COL6A5: variants seen among roughly 807,000 people sequenced by gnomAD.
The protein encoded by COL6A5 is collagen alpha-5(VI) chain.
A neutral mutation model predicts 65.6 loss-of-function variants in COL6A5; 48 were observed. The observed-to-expected ratio is 0.73, with a 90% CI of 0.58 to 0.93. The LOEUF is 0.93. COL6A5 is among the 40% of genes least tolerant of loss of function. The pLI, the probability that COL6A5 is intolerant of heterozygous loss-of-function variation, is 0.00. For synonymous variants in COL6A5, 291 were observed against 322.8 expected, an observed-to-expected ratio of 0.90 and a Z score of 1.05; for missense variants, 914 against 928.3, an observed-to-expected ratio of 0.98 and a Z score of 0.20.
chr3:130,460,973 A>T (rs1191482207), intron 5 of COL6A5, among the ~76,000 whole-genome samples: 1 of 151,854 alleles, frequency 6.6e-6, no homozygotes, highest in Non-Finnish European at 1.5e-5. Flanking sequence ...AGTTGGTTGG[A>T]TGATGGCAGC....
intron 10 of COL6A5, among the ~76,000 whole-genome samples, chr3:130,398,745 G>C (rs1936704767): frequency 6.6e-6 from 1 of 152,176 alleles, no homozygotes; most frequent in African/African-American, 2.4e-5. Context: ...ATGATATAGG[G>C]ATACAAAAGC....
chr3:130,445,949 T>G (rs1709293986), intron 4 of COL6A5, among the ~76,000 whole-genome samples: 1 of 152,124 alleles, frequency 6.6e-6, no homozygotes, highest in Non-Finnish European at 1.5e-5. Context: ...TTTTAGGGCA[T>G]GGTTTTCCTG....
intron 1 of COL6A5, among the ~76,000 whole-genome samples, chr3:130,439,073 G>A (rs887043446): frequency 3.3e-5 from 5 of 152,226 alleles, no homozygotes; most frequent in South Asian, 2.1e-4. Flanking sequence ...CACTACCCAC[G>A]GAGGCCAAAG....
At chr3:130,427,482 C>T (rs141524435), upstream of COL6A5, among the ~76,000 whole-genome samples, 1 of 152,056 alleles carries the variant, frequency 6.6e-6, no homozygotes, top group African/African-American at 2.4e-5. Flanking sequence ...CTGAGTGTCA[C>T]CAAGGATGAG....
chr3:130,469,555 A>G (rs922046149), intron 6 of COL6A5, 74 bp downstream of exon 38: 6 of 1,186,916 alleles, frequency 5.1e-6, no homozygotes, highest in Non-Finnish European at 7.1e-6. Flanking sequence ...CAGCAGACTT[A>G]GTAAAATGAT....
chr3:130,429,018 C>T (rs1368078591), upstream of COL6A5, among the ~76,000 whole-genome samples: 2 of 152,176 alleles, frequency 1.3e-5, no homozygotes, highest in Non-Finnish European at 2.9e-5. Context: ...CTGTTTTGCT[C>T]AGGAGAAACG....
chr3:130,408,803 A>T (rs1937084388), intron 17 of COL6A5, among the ~76,000 whole-genome samples: 1 of 152,176 alleles, frequency 6.6e-6, no homozygotes, highest in Non-Finnish European at 1.5e-5. Context: ...AAAAGAAACT[A>T]CGTTGAAATA....
intron 17 of COL6A5, 97 bp downstream of exon 17, chr3:130,406,418 C>T: frequency 2.1e-6 from 2 of 944,420 alleles, no homozygotes. Flanking sequence ...ATAAAATTTA[C>T]AACTGACTTA....
intron 13 of COL6A5, 32 bp from the exon 14 acceptor site, chr3:130,405,556 C>T (rs1936956554): frequency 3.3e-6 from 5 of 1,522,258 alleles, no homozygotes; most frequent in Non-Finnish European, 4.5e-6. Flanking sequence ...AAAAACATCA[C>T]TTTGGGTACC....
In COL6A5 at chr3:130,469,096, T is replaced by C. The variant is rs745369437; in HGVS notation, c.1848T>C (p.Tyr616=). Residue 616 remains tyrosine, a synonymous_variant, in exon 6 of 8, where the codon TAT becomes TAC. Coordinates refer to ENST00000512836, the Ensembl canonical transcript of COL6A5. Reference sequence around the variant, plus strand: ...ACCTGGAATTTGATTTGGTTACTTATAACAGTATACACCAAATGAAACATC... The same window carrying C: ...ACCTGGAATTTGATTTGGTTACTTACAACAGTATACACCAAATGAAACATC... 1.2e-5 allele frequency: 20 copies of C among 1,613,072 alleles called. No individual in the cohort carries two copies. The South Asian group carries it at 2.1e-4, about 17-fold the overall frequency.
chr3:130,447,954 G>A (rs1709345985), intron 4 of COL6A5, among the ~76,000 whole-genome samples: 2 of 152,090 alleles, frequency 1.3e-5, no homozygotes, highest in Admixed American at 1.3e-4. Flanking sequence ...TTTGTTTTTT[G>A]GATAGTGATT....
At chr3:130,406,661 G>A (rs941914279) in intron 17 of COL6A5, among the ~76,000 whole-genome samples, 7 of 151,120 alleles carry the variant, frequency 4.6e-5, no homozygotes, top group African/African-American at 1.7e-4. Flanking sequence ...TTTCTGTGTT[G>A]TCTTTATTAT....
chr3:130,368,914 G>C (rs1935447984), intron 1 of COL6A5, among the ~76,000 whole-genome samples: 1 of 152,218 alleles, frequency 6.6e-6, no homozygotes, highest in Admixed American at 6.5e-5. Context: ...GCTAAGCCGA[G>C]AATTTAAGCT....
At chr3:130,353,288 T>C (rs151020725) in intron 1 of COL6A5, among the ~76,000 whole-genome samples, 40 of 152,262 alleles carry the variant, frequency 2.6e-4, no homozygotes, top group African/African-American at 9.4e-4. Flanking sequence ...CACAAACACA[T>C]ATCCAAAGGC....
chr3:130,434,688 T>C lies in COL6A5; in HGVS notation c.487+2739T>C, dbSNP rs569692156. Among the ~76,000 whole-genome samples the C allele has an allele frequency of 5.9e-5, 9 of 152,340 alleles. No homozygotes were observed. In the East Asian group the frequency reaches 1.7e-3, roughly 29 times the overall value. On this transcript the variant is annotated intron_variant, in intron 1 of 7. Transcript: ENST00000512836. ...TGATTTGCATTTCTCTAATGATCAG[T>C]GATGTTGAGCTTCTTTTCATATGTT...
chr3:130,462,436 A>T (rs1197253464), intron 5 of COL6A5, among the ~76,000 whole-genome samples: 1 of 152,144 alleles, frequency 6.6e-6, no homozygotes, highest in Non-Finnish European at 1.5e-5. Context: ...CCTGGTTTGG[A>T]TAATATACTG....
At chr3:130,469,513 C>T in intron 6 of COL6A5, 32 bp downstream of exon 38, 1 of 1,530,810 alleles carries the variant, frequency 6.5e-7, no homozygotes, top group Non-Finnish European at 8.9e-7. Context: ...ATTGCTTTTG[C>T]AATAGATTTA....
intron 31 of COL6A5, 42 bp downstream of exon 31, chr3:130,426,445 G>T (rs139593739): frequency 6.5e-7 from 1 of 1,543,094 alleles, no homozygotes; most frequent in Non-Finnish European, 8.8e-7. Flanking sequence ...TCAATGGTTG[G>T]TGAGGCACTT....
At chr3:130,434,147 C>G (rs1937943724) in intron 1 of COL6A5, among the ~76,000 whole-genome samples, 1 of 152,160 alleles carries the variant, frequency 6.6e-6, no homozygotes, top group South Asian at 2.1e-4. Flanking sequence ...TCCATGTGAT[C>G]TCAACATTCA....
Sources: allele counts gnomAD v4.1 joint callset (sites outside exome capture counted in the v4.1 genomes callset), GRCh38; gene constraint gnomAD v4.1.1; transcripts MANE v1.5; gene names NCBI Gene and HGNC (gene_info 2026-07-23, HGNC 2026-07-21).